The following STAMBP variants were observed in gnomAD, a reference collection of about 807,000 sequenced individuals.
STAMBP encodes the protein STAM-binding protein.
Under a neutral mutation model 50.7 loss-of-function variants are expected in STAMBP, and 31 were observed. The ratio of observed to expected loss-of-function variants is 0.61; its 90% CI spans 0.46 to 0.83. STAMBP has a LOEUF of 0.83. Ranked by LOEUF, STAMBP falls within the 40% of genes least tolerant of loss-of-function variation. The pLI, the probability that STAMBP is intolerant of heterozygous loss-of-function variation, is 0.00. For synonymous variants in STAMBP, 211 were observed against 192.4 expected, an observed-to-expected ratio of 1.10 and a Z score of -0.80; for missense variants, 472 against 518.9, an observed-to-expected ratio of 0.91 and a Z score of 0.88.
In STAMBP at chr2:73,865,190, G is replaced by T. The variant is rs374133362; in HGVS notation, c.*2931G>T. 53 of 152,352 alleles carry T rather than the reference G, an allele frequency of 3.5e-4. No homozygotes were observed. The highest frequency in any genetic ancestry group is 1.3e-3 in the African/African-American group (53 of 41,582). The allele number at this position is 152,352 out of a possible 1,614,324, so 9.4% of individuals were successfully genotyped here. On this transcript the variant is annotated 3_prime_UTR_variant, in exon 10 of 10. Coordinates refer to ENST00000394070, the MANE Select transcript of STAMBP (RefSeq NM_213622.4). ...GAGAAATTTTTCATATTGGGGTTGA[G>T]AAGAATGGAGGCTATTAGGAGCAAA...
rs1678439862 is a variant in STAMBP at position 73,862,402 on chromosome 2, T to A, written c.*143T>A. 2 of 546,132 alleles carry A rather than the reference T, an allele frequency of 3.7e-6. No homozygotes were observed. Among genetic ancestry groups the A allele is most frequent in the South Asian group, 1.3e-4 (2 of 15,824 alleles). The allele number at this position is 546,132 out of a possible 1,614,324, so 33.8% of individuals were successfully genotyped here. A position where few individuals can be genotyped will look rare whatever the true frequency, so the allele number is the denominator to read the frequency against. On this transcript the variant is annotated 3_prime_UTR_variant, in exon 10 of 10. Transcript: ENST00000394070. ...CACCTGAGAAAGAGCTGATTTTGTA[T>A]TTCAGGTTTGAAAAGAAATAACTGA...
In STAMBP at chr2:73,859,626, C is replaced by T. The variant is rs964982383; in HGVS notation, c.1118+260C>T. 2.7e-5 allele frequency among the ~76,000 whole-genome samples: 4 copies of T among 148,102 alleles called. No individual in the cohort carries two copies. Among genetic ancestry groups the T allele is most frequent in the African/African-American group, 7.5e-5 (3 of 39,788 alleles). ...GAAATTTGAAGTGTTTGACTTGAAG[C>T]GATAGGAATGTCAAGAGTTTTATGT... On this transcript the variant is annotated intron_variant, in intron 8 of 9. Transcript: ENST00000394070.
chr2:73,835,791 C>T (rs1297326211), intron 2 of STAMBP, among the ~76,000 whole-genome samples: 2 of 152,030 alleles, frequency 1.3e-5, no homozygotes, highest in East Asian at 1.9e-4. Flanking sequence ...GGAATTTAAC[C>T]GTTCACGTTT....
intron 7 of STAMBP, among the ~76,000 whole-genome samples, chr2:73,858,159 ATTTTTTTTTT>A (rs35630978): frequency 2.3e-4 from 16 of 68,348 alleles, no homozygotes; most frequent in African/African-American, 4.8e-4. Flanking sequence ...ATTGTTTTGT[ATTTTTTTTTT>A]TTTTTTTTTT....
chr2:73,844,939 G>C, intron 3 of STAMBP, 51 bp downstream of exon 3: 1 of 1,594,564 alleles, frequency 6.3e-7, no homozygotes, highest in Admixed American at 1.8e-5. Flanking sequence ...GAGCAGCACA[G>C]ACTGACTTCA....
downstream of STAMBP, among the ~76,000 whole-genome samples, chr2:73,871,303 G>A (rs1679188383): frequency 6.6e-6 from 1 of 152,016 alleles, no homozygotes; most frequent in Admixed American, 6.6e-5. Context: ...CAGCACTTTG[G>A]GAGGCTGAGG....
At chr2:73,834,279 ATATATAT>A (rs1259463259) in intron 2 of STAMBP, among the ~76,000 whole-genome samples, 102 of 91,214 alleles carry the variant, frequency 1.1e-3, no homozygotes, top group African/African-American at 1.4e-3. Context: ...ATATATATAT[ATATATAT>A]AAAGTTTTTG....
At chr2:73,835,485 ATATT>A (rs1674605509) in intron 2 of STAMBP, among the ~76,000 whole-genome samples, 1 of 152,126 alleles carries the variant, frequency 6.6e-6, no homozygotes, top group African/African-American at 2.4e-5. Context: ...TGCCCAATCA[ATATT>A]TAAAGTATAA....
intron 7 of STAMBP, among the ~76,000 whole-genome samples, chr2:73,851,649 T>G (rs1332667828): frequency 6.6e-6 from 1 of 151,824 alleles, no homozygotes; most frequent in Non-Finnish European, 1.5e-5. Flanking sequence ...TTTTTTTTTT[T>G]TTTTTTTGAG....
chr2:73,831,084 TCC>T (rs1558552893), intron 2 of STAMBP, 25 bp downstream of exon 2: 1 of 1,596,566 alleles, frequency 6.3e-7, no homozygotes, highest in Admixed American at 1.7e-5. Flanking sequence ...GTTTCCTTTT[TCC>T]TTTCTGGTGA....
intron 2 of STAMBP, among the ~76,000 whole-genome samples, chr2:73,836,752 T>C (rs1286980185): frequency 6.6e-6 from 1 of 152,176 alleles, no homozygotes; most frequent in Non-Finnish European, 1.5e-5. Context: ...TAAGCCCAGC[T>C]CTTAGGCCCT....
chr2:73,873,262 G>T (rs1042691819), intron 10 of STAMBP: 3 of 152,224 alleles, frequency 2.0e-5, no homozygotes, highest in African/African-American at 7.2e-5. Context: ...TTTGGCAAGT[G>T]CCTGGGGTGC....
At chr2:73,862,144 A>G in intron 9 of STAMBP, 59 bp from the exon 10 acceptor site, 1 of 1,534,976 alleles carries the variant, frequency 6.5e-7, no homozygotes, top group East Asian at 2.3e-5. Context: ...ATGAAGAAAA[A>G]AAAAAAAAAG....
chr2:73,834,705 G>T (rs1439508862), intron 2 of STAMBP, among the ~76,000 whole-genome samples: 2 of 152,118 alleles, frequency 1.3e-5, no homozygotes, highest in East Asian at 3.9e-4. Context: ...ATAAGCAGGG[G>T]TTTATGACTA....
intron 7 of STAMBP, among the ~76,000 whole-genome samples, chr2:73,851,451 G>A (rs1194650879): frequency 6.6e-6 from 1 of 152,164 alleles, no homozygotes; most frequent in Non-Finnish European, 1.5e-5. Flanking sequence ...AGGTGCCAGC[G>A]AGGCACTGTG....
Position 73,860,145 on chromosome 2 carries a change from GT to G in STAMBP, c.1214del (p.Phe405SerfsTer7), listed in dbSNP as rs766118409. On this transcript the variant is annotated frameshift_variant, in exon 9 of 10. Transcript: ENST00000394070. LOFTEE classifies it high-confidence loss of function. ...FHPHSKDPPL[F>X]CSCSHVTVVD... is the part of the protein sequence containing the mutation. ...ATCCACACAGCAAGGATCCACCTCT[GT>G]TCTGTGTACGTATCTATGTAAAAGA... The G allele has an allele frequency of 1.9e-6, 3 of 1,613,214 alleles. No homozygotes were observed. Among genetic ancestry groups the G allele is most frequent in the Non-Finnish European group, 2.5e-6 (3 of 1,179,584 alleles).
rs1676495112 is a variant in STAMBP at position 73,849,215 on chromosome 2, G to C, written c.743-148G>C. On this transcript the variant is annotated intron_variant, in intron 5 of 9. Coordinates refer to ENST00000394070, the MANE Select transcript of STAMBP (RefSeq NM_213622.4). ...AAGACACTTTACAGCCCTTTTTTTGGTGCCATTAGAATGAGATCCCTACTC... is the reference window on the plus strand; with the variant it reads ...AAGACACTTTACAGCCCTTTTTTTGCTGCCATTAGAATGAGATCCCTACTC... 3 of 1,106,108 alleles carry C rather than the reference G, an allele frequency of 2.7e-6. No homozygotes were observed. In the East Asian group the frequency reaches 7.6e-5, roughly 28 times the overall value. 68.5% of individuals were successfully genotyped at this position (1,106,108 alleles called of 1,614,324 possible). A position where few individuals can be genotyped will look rare whatever the true frequency, so the allele number is the denominator to read the frequency against.
chr2:73,860,398 T>C (rs1392637248), intron 9 of STAMBP: 1 of 545,404 alleles, frequency 1.8e-6, no homozygotes, highest in African/African-American at 2.0e-5. Flanking sequence ...TTCCCATCTA[T>C]AAAATAGGCA....
downstream of STAMBP, among the ~76,000 whole-genome samples, chr2:73,870,688 A>G (rs1679166522): frequency 6.6e-6 from 1 of 152,188 alleles, no homozygotes; most frequent in East Asian, 1.9e-4. Context: ...ATAATTCCCT[A>G]TGGTTAGCTT....
Sources: allele counts gnomAD v4.1 joint callset (sites outside exome capture counted in the v4.1 genomes callset), GRCh38; gene constraint gnomAD v4.1.1; transcripts MANE v1.5; gene names NCBI Gene and HGNC (gene_info 2026-07-23, HGNC 2026-07-21).